CCDC61: variants seen among roughly 807,000 people sequenced by gnomAD.
CCDC61 encodes centrosomal protein CCDC61.
Under a neutral mutation model 63.0 loss-of-function variants are expected in CCDC61, and 55 were observed. That is an observed-to-expected ratio of 0.87 (90% CI 0.70 to 1.09). CCDC61 has a LOEUF of 1.09. Ranked by LOEUF, CCDC61 falls within the 50% of genes least tolerant of loss-of-function variation. The pLI is 0.00. For synonymous variants in CCDC61, 270 were observed against 317.0 expected (o/e 0.85, Z 1.58); for missense variants, 651 against 731.4 (o/e 0.89, Z 1.27).
intron 3 of CCDC61, among the ~76,000 whole-genome samples, chr19:46,005,364 T>C (rs1482318330): frequency 6.6e-5 from 10 of 152,222 alleles, no homozygotes; most frequent in African/African-American, 2.2e-4. Flanking sequence ...TGCATCCTCA[T>C]CAGTGAACTT....
chr19:46,018,463 C>T lies in CCDC61; in HGVS notation c.*76C>T. 1 of 1,256,612 alleles carries T rather than the reference C, an allele frequency of 8.0e-7. No homozygotes were observed. The highest frequency in any genetic ancestry group is 1.4e-5 in the South Asian group (1 of 73,020). 77.8% of individuals were successfully genotyped at this position (1,256,612 alleles called of 1,614,324 possible). ...GTGTGGGGGGTGGGGCCAGGGTGGC[C>T]TCCAGCCCTGCCCAGTCCCTGCCCT... On this transcript the variant is annotated 3_prime_UTR_variant, in exon 14 of 14. Coordinates refer to ENST00000595358, the MANE Select transcript of CCDC61 (RefSeq NM_001267723.2). This position sits in a 1 kb window ranked among gnomAD's most constrained non-coding sequence, Gnocchi z 4.2.
intron 4 of CCDC61, 149 bp from the exon 5 acceptor site, chr19:46,007,991 G>C (rs1008925849): frequency 3.1e-5 from 23 of 746,366 alleles, no homozygotes; most frequent in East Asian, 6.0e-5. Context: ...GTACAGGGAG[G>C]GGCCTTGAGG....
At position 46,018,043 on chromosome 19, in the gene CCDC61, TG is replaced by T; in HGVS notation, c.1369-32del. On this transcript the variant is annotated intron_variant, in intron 12 of 13. Coordinates refer to ENST00000595358, the MANE Select transcript of CCDC61 (RefSeq NM_001267723.2). This position sits in a 1 kb window ranked among gnomAD's most constrained non-coding sequence, Gnocchi z 4.2. ...TAGGGGGACAGAAATAGAGGGACGG[TG>T]GGTGACCCCCTTTCCTACCTTCCCC... The T allele has an allele frequency of 6.4e-7, 1 of 1,563,392 alleles. No individual in the cohort carries two copies. Among genetic ancestry groups the T allele is most frequent in the East Asian group, 2.3e-5 (1 of 42,784 alleles).
chr19:46,005,308 C>T (rs901855598), intron 3 of CCDC61, among the ~76,000 whole-genome samples: 4 of 152,172 alleles, frequency 2.6e-5, no homozygotes, highest in Admixed American at 2.0e-4. Context: ...CCGCGCCTGG[C>T]CTGGACAAGC....
chr19:46,002,648 C>A (rs1038581458), intron 1 of CCDC61, among the ~76,000 whole-genome samples: 3 of 151,858 alleles, frequency 2.0e-5, no homozygotes, highest in Non-Finnish European at 2.9e-5. Flanking sequence ...AACTCTTGAG[C>A]TCAAGTGATC....
intron 4 of CCDC61, among the ~76,000 whole-genome samples, chr19:46,007,655 C>G (rs1968737538): frequency 6.6e-6 from 1 of 152,136 alleles, no homozygotes; most frequent in Non-Finnish European, 1.5e-5. Flanking sequence ...GTGACCGTGT[C>G]TGTCCCATGT....
intron 5 of CCDC61, among the ~76,000 whole-genome samples, chr19:46,010,641 G>A (rs964675518): frequency 9.2e-5 from 14 of 152,250 alleles, no homozygotes. Flanking sequence ...TTGTTAGAGA[G>A]TGTGGGGAAC....
At chr19:46,010,737 G>A (rs919445104) in intron 5 of CCDC61, among the ~76,000 whole-genome samples, 2 of 152,208 alleles carry the variant, frequency 1.3e-5, no homozygotes, top group African/African-American at 4.8e-5. Context: ...TTGTCCCCCA[G>A]CTTCAACAGT....
chr19:45,999,974 G>A, intron 1 of CCDC61: 1 of 970,688 alleles, frequency 1.0e-6, no homozygotes, highest in Non-Finnish European at 1.2e-6. Context: ...CTGAGAAGAG[G>A]AACTGGGAGA....
intron 3 of CCDC61, among the ~76,000 whole-genome samples, 174 bp from the exon 4 acceptor site, chr19:46,006,385 T>G (rs1364382276): frequency 1.3e-5 from 2 of 152,248 alleles, no homozygotes; most frequent in Non-Finnish European, 2.9e-5. Context: ...GTTTCTTCCT[T>G]CGATGAAGTC....
At chr19:45,997,194 GCTGTC>G (rs1968509516) in intron 1 of CCDC61, among the ~76,000 whole-genome samples, 1 of 152,080 alleles carries the variant, frequency 6.6e-6, no homozygotes, top group African/African-American at 2.4e-5. Flanking sequence ...CTTTGTACTC[GCTGTC>G]CTGTCCTTCT....
chr19:46,003,249 G>C, intron 2 of CCDC61, 83 bp downstream of exon 2: 4 of 1,487,726 alleles, frequency 2.7e-6, no homozygotes, highest in Non-Finnish European at 3.6e-6. Context: ...CCTGAATCCT[G>C]CCCACCTGCC....
chr19:46,017,803 T>A (rs1968977351), intron 12 of CCDC61, among the ~76,000 whole-genome samples: 1 of 152,180 alleles, frequency 6.6e-6, no homozygotes, highest in Non-Finnish European at 1.5e-5. Flanking sequence ...TGTCTCCTCC[T>A]CTTCCCAGCT....
chr19:46,015,712 C>T lies in CCDC61; in HGVS notation c.845+285C>T, dbSNP rs888200832. 1.3e-5 allele frequency among the ~76,000 whole-genome samples: 2 copies of T among 151,838 alleles called. No homozygotes were observed. The highest frequency in any genetic ancestry group is 4.8e-5 in the African/African-American group (2 of 41,308). ...TAGGGTCTCCTGGTGCGAAAGGGTG[C>T]GGCGCAGCAGGTGGGATCAGGGTGA... is the stretch of plus-strand genomic sequence containing the variant. On this transcript the variant is annotated intron_variant, in intron 7 of 13. Coordinates refer to ENST00000595358, the MANE Select transcript of CCDC61 (RefSeq NM_001267723.2). This position sits in a 1 kb window ranked among gnomAD's most constrained non-coding sequence, Gnocchi z 5.3.
At chr19:46,011,834 G>A (rs529113236) in intron 5 of CCDC61, among the ~76,000 whole-genome samples, 92 of 152,180 alleles carry the variant, frequency 6.0e-4, no homozygotes, top group African/African-American at 2.1e-3. Flanking sequence ...ACCGAGTCTC[G>A]CACTGTCACC....
At chr19:45,997,987 C>A (rs1239149198) in intron 1 of CCDC61, among the ~76,000 whole-genome samples, 1 of 152,236 alleles carries the variant, frequency 6.6e-6, no homozygotes, top group Non-Finnish European at 1.5e-5. Flanking sequence ...GTGCCCGGTC[C>A]TCACATCAAT....
intron 12 of CCDC61, 24 bp downstream of exon 12, chr19:46,017,328 C>T (rs1398845092): frequency 5.8e-6 from 9 of 1,548,556 alleles, no homozygotes; most frequent in Non-Finnish European, 7.9e-6. Context: ...GCAACATAAA[C>T]CACTGGAACA....
chr19:46,002,416 T>C (rs1344906983), intron 1 of CCDC61, among the ~76,000 whole-genome samples: 1 of 150,370 alleles, frequency 6.7e-6, no homozygotes, highest in Non-Finnish European at 1.5e-5. Flanking sequence ...GATTCTTTTT[T>C]TGGCCATCAT....
chr19:46,002,882 G>A (rs963219896), intron 1 of CCDC61, 126 bp from the exon 2 acceptor site: 13 of 861,420 alleles, frequency 1.5e-5, no homozygotes, highest in Non-Finnish European at 2.4e-5. Context: ...GGCACAGAGA[G>A]GTGAATTCGC....
Sources: allele counts gnomAD v4.1 joint callset (sites outside exome capture counted in the v4.1 genomes callset), GRCh38; gene constraint gnomAD v4.1.1; non-coding constraint Gnocchi (gnomAD v3.1); transcripts MANE v1.5; gene names NCBI Gene and HGNC (gene_info 2026-07-23, HGNC 2026-07-21).